COPG1: variants seen among roughly 807,000 people sequenced by gnomAD.
COPG1 encodes the protein coat protein complex I subunit gamma 1, also known as coatomer subunit gamma-1.
COPG1 carries 29 observed loss-of-function variants against 102.8 expected under a neutral mutation model. That is an observed-to-expected ratio of 0.28 (90% CI 0.21 to 0.38). The LOEUF is 0.38. Ranked by LOEUF, COPG1 falls within the 10% of genes least tolerant of loss-of-function variation. The pLI, the probability that COPG1 is intolerant of heterozygous loss-of-function variation, is 1.00. For synonymous variants in COPG1, 406 were observed against 421.6 expected (o/e 0.96, Z 0.45); for missense variants, 875 against 1,132.7 (o/e 0.77, Z 3.27).
chr3:129,275,416 A>G lies in COPG1; in HGVS notation c.2494+124A>G, dbSNP rs1431736800. Reference sequence around the variant, plus strand: ...AATTCACAGCATTTAAAATTCACAAAGTATAAAATAATCTGCAGCGAAATG... The same window carrying G: ...AATTCACAGCATTTAAAATTCACAAGGTATAAAATAATCTGCAGCGAAATG... On this transcript the variant is annotated intron_variant, in intron 23 of 23. Transcript: ENST00000314797. The surrounding 1 kb of genome is among the most constrained non-coding windows in gnomAD (Gnocchi z 5.0). The G allele has an allele frequency of 2.9e-6, 2 of 695,162 alleles. No homozygotes were observed. Among genetic ancestry groups the G allele is most frequent in the African/African-American group, 1.8e-5 (1 of 56,050 alleles). The allele number at this position is 695,162 out of a possible 1,614,324, so 43.1% of individuals were successfully genotyped here.
chr3:129,263,795 T>C (rs1339579984), intron 12 of COPG1, 109 bp from the exon 13 acceptor site: 1 of 879,166 alleles, frequency 1.1e-6, no homozygotes, highest in African/African-American at 1.7e-5. Context: ...CCTTGTGTCA[T>C]GCCCAAGGCC....
chr3:129,276,114 A>G (rs1459786608), intron 23 of COPG1, among the ~76,000 whole-genome samples: 2 of 152,228 alleles, frequency 1.3e-5, no homozygotes, highest in Non-Finnish European at 2.9e-5. Context: ...TGCCTTCCAT[A>G]GAATTGTATA....
At chr3:129,267,498 G>A (rs1015271224) in intron 15 of COPG1, among the ~76,000 whole-genome samples, 3 of 152,108 alleles carry the variant, frequency 2.0e-5, no homozygotes, top group Non-Finnish European at 4.4e-5. Context: ...GCGGGTGCCT[G>A]TAGTCCCAGC....
At position 129,257,805 on chromosome 3, in the gene COPG1, G is replaced by A. The variant is rs769213450; in HGVS notation, c.816G>A (p.Ser272=). The A allele has an allele frequency of 4.3e-6, 7 of 1,614,086 alleles. No homozygotes were observed. The highest frequency in any genetic ancestry group is 1.7e-4 in the Middle Eastern group (1 of 6,002). The change falls in exon 10 of 24, where the codon TCG becomes TCA. Residue 272 remains serine, a synonymous_variant. Transcript: ENST00000314797. ...KHEMVVYEAA[S]AIVNLPGCSA... ...AGATGGTGGTGTATGAAGCCGCCTCGGCCATCGTCAATCTGCCAGGCTGCA... is the reference window on the plus strand; with the variant it reads ...AGATGGTGGTGTATGAAGCCGCCTCAGCCATCGTCAATCTGCCAGGCTGCA...
Position 129,260,374 on chromosome 3 carries a change from T to C in COPG1, c.913T>C (p.Tyr305His), listed in dbSNP as rs1163871866. The change falls in exon 11 of 24, where the codon TAT becomes CAT. Residue 305 changes from tyrosine to histidine, a missense_variant. Transcript: ENST00000314797. The part of the protein sequence containing the change: ...FCSSPKAALR[Y>H]AAVRTLNKVA... ...CAGCTCACCCAAGGCTGCTCTCCGCTATGCTGCTGTTCGTACCCTCAATAA... is the reference window on the plus strand; with the variant it reads ...CAGCTCACCCAAGGCTGCTCTCCGCCATGCTGCTGTTCGTACCCTCAATAA... 1 of 1,614,182 alleles carries C rather than the reference T, an allele frequency of 6.2e-7. No individual in the cohort carries two copies. Among genetic ancestry groups the C allele is most frequent in the South Asian group, 1.1e-5 (1 of 91,084 alleles).
At chr3:129,266,892 T>G in intron 14 of COPG1, 132 bp from the exon 15 acceptor site, 1 of 726,424 alleles carries the variant, frequency 1.4e-6, no homozygotes, top group Non-Finnish European at 2.4e-6. Context: ...GGTAGTGACT[T>G]TGGGCCTCCT....
At chr3:129,257,981 A>G (rs1225907219) in intron 10 of COPG1, 121 bp downstream of exon 10, 3 of 1,252,414 alleles carry the variant, frequency 2.4e-6, no homozygotes, top group Non-Finnish European at 3.3e-6. Context: ...GTCTGTACCT[A>G]GGAAGCACCT....
At chr3:129,252,201 T>C (rs1226804548) in intron 2 of COPG1, 80 bp from the exon 3 acceptor site, 1 of 1,020,834 alleles carries the variant, frequency 9.8e-7, no homozygotes, top group Non-Finnish European at 1.6e-6. Context: ...CAGTTTACCC[T>C]GAGACTTCTC....
chr3:129,260,153 A>G lies in COPG1; in HGVS notation c.872-180A>G, dbSNP rs150674522. 53 of 629,694 alleles carry G rather than the reference A, an allele frequency of 8.4e-5. No homozygotes were observed. In the East Asian group the frequency reaches 1.4e-3, roughly 16 times the overall value. 39.0% of individuals were successfully genotyped at this position (629,694 alleles called of 1,614,324 possible). A position where few individuals can be genotyped will look rare whatever the true frequency, so the allele number is the denominator to read the frequency against. On this transcript the variant is annotated intron_variant, in intron 10 of 23. Coordinates refer to ENST00000314797, the MANE Select transcript of COPG1 (RefSeq NM_016128.4). ...GAACCCCTGGGTGCTCACAGACATT[A>G]TGGCCTCTGTCCATGGCTCAGGTGC...
intron 12 of COPG1, among the ~76,000 whole-genome samples, chr3:129,261,635 G>T (rs1254965238): frequency 6.6e-6 from 1 of 152,164 alleles, no homozygotes; most frequent in African/African-American, 2.4e-5. Context: ...CTCCTACAGT[G>T]CCAGCATCCT....
chr3:129,271,969 G>T lies in COPG1; in HGVS notation c.1986+60G>T. The T allele has an allele frequency of 6.3e-7, 1 of 1,578,556 alleles. No individual in the cohort carries two copies. The highest frequency in any genetic ancestry group is 1.3e-5 in the African/African-American group (1 of 74,376). The stretch of plus-strand genomic sequence containing the variant: ...GCGCCCAGGGAGTTGTCCCAGGTCT[G>T]GCAGGTCCTGTAGGGTCATGGGTCC... On this transcript the variant is annotated intron_variant, in intron 19 of 23. Transcript: ENST00000314797. This position sits in a 1 kb window ranked among gnomAD's most constrained non-coding sequence, Gnocchi z 4.7.
At chr3:129,261,440 AG>A (rs891140148) in intron 12 of COPG1, among the ~76,000 whole-genome samples, 1 of 152,244 alleles carries the variant, frequency 6.6e-6, no homozygotes, top group African/African-American at 2.4e-5. Flanking sequence ...CAGAATAGAC[AG>A]GGCTCAATCA....
intron 12 of COPG1, among the ~76,000 whole-genome samples, chr3:129,261,676 A>C (rs1037611858): frequency 1.3e-5 from 2 of 152,234 alleles, no homozygotes; most frequent in Non-Finnish European, 2.9e-5. Flanking sequence ...CAACCAGGAA[A>C]GTGACACTGG....
intron 14 of COPG1, among the ~76,000 whole-genome samples, chr3:129,266,712 C>T (rs1262412245): frequency 1.3e-5 from 2 of 152,130 alleles, no homozygotes; most frequent in African/African-American, 4.8e-5. Flanking sequence ...AGGTGAGGAG[C>T]TTTACATTAT....
At chr3:129,268,366 G>T in intron 16 of COPG1, 129 bp from the exon 17 acceptor site, 10 of 892,186 alleles carry the variant, frequency 1.1e-5, no homozygotes, top group Non-Finnish European at 1.5e-5. Flanking sequence ...GAGGCTTAGA[G>T]AATAAAGTGA....
intron 7 of COPG1, among the ~76,000 whole-genome samples, chr3:129,255,487 C>CTTCT (rs1553796235): frequency 2.5e-3 from 317 of 126,998 alleles, no homozygotes; most frequent in African/African-American, 7.3e-3. Context: ...TCTCTTTCTT[C>CTTCT]TTTTTTTTTT....
At chr3:129,250,600 G>A in intron 1 of COPG1, 82 bp from the exon 2 acceptor site, 1 of 1,101,026 alleles carries the variant, frequency 9.1e-7, no homozygotes, top group Middle Eastern at 2.0e-4. Flanking sequence ...TCCTAGGAAG[G>A]GACATCTTCC....
chr3:129,249,632 A>G lies in COPG1; in HGVS notation c.-78A>G. On this transcript the variant is annotated 5_prime_UTR_variant, in exon 1 of 24. Transcript: ENST00000314797. ...GTCGGGGCCCGGAAGTGGTCCCTGTAGAACCACTGTGGCACCGCTACTCCG... is the reference window on the plus strand; with the variant it reads ...GTCGGGGCCCGGAAGTGGTCCCTGTGGAACCACTGTGGCACCGCTACTCCG... The G allele has an allele frequency of 2.7e-6, 4 of 1,502,678 alleles. No homozygotes were observed. Among genetic ancestry groups the G allele is most frequent in the Non-Finnish European group, 3.6e-6 (4 of 1,105,380 alleles). 93.1% of individuals were successfully genotyped at this position (1,502,678 alleles called of 1,614,324 possible).
At chr3:129,268,179 A>C in intron 16 of COPG1, 139 bp downstream of exon 16, 1 of 729,922 alleles carries the variant, frequency 1.4e-6, no homozygotes, top group Non-Finnish European at 2.4e-6. Flanking sequence ...TGGTGACCTC[A>C]GGAGGTCCCG....
Sources: allele counts gnomAD v4.1 joint callset (sites outside exome capture counted in the v4.1 genomes callset), GRCh38; gene constraint gnomAD v4.1.1; non-coding constraint Gnocchi (gnomAD v3.1); transcripts MANE v1.5; gene names NCBI Gene and HGNC (gene_info 2026-07-23, HGNC 2026-07-21).